Variants in ATP11A observed in about 807,000 individuals in gnomAD.
ATP11A encodes phospholipid-transporting ATPase IH.
Under a neutral mutation model 154.4 loss-of-function variants are expected in ATP11A, and 81 were observed. That is an observed-to-expected ratio of 0.52 (90% confidence interval 0.44 to 0.63). ATP11A has a LOEUF of 0.63. Ranked by LOEUF, ATP11A falls within the 30% of genes least tolerant of loss-of-function variation. ATP11A has a pLI of 0.00. For missense variants in ATP11A, 1,316 were observed against 1,474.3 expected (o/e 0.89, Z 1.76); for synonymous variants, 623 against 585.9 (o/e 1.06, Z -0.91).
rs540765028 is a variant in ATP11A, at chr13:112,753,182, G to A, written c.40-31953G>A. ...TGTACCTGCGTGTTATGTGGATGGC[G>A]TGCATGTGTCTGCACAGCTGCGTGA... On this transcript the variant is annotated intron_variant, in intron 1 of 29. Transcript: ENST00000375645. The surrounding 1 kb of genome is among the most constrained non-coding windows in gnomAD (Gnocchi z 4.1). 3.9e-5 allele frequency among the ~76,000 whole-genome samples: 6 copies of A among 152,226 alleles called. No homozygotes were observed. Among genetic ancestry groups the A allele is most frequent in the African/African-American group, 1.4e-4 (6 of 41,520 alleles).
Position 112,856,051 on chromosome 13 carries a change from T to TCTGCTGCCGCATGGCGCC in ATP11A, c.2387_2404dup (p.Cys796_Pro801dup). The TCTGCTGCCGCATGGCGCC allele has an allele frequency of 6.2e-7, 1 of 1,613,794 alleles. No individual in the cohort carries two copies. Among genetic ancestry groups the TCTGCTGCCGCATGGCGCC allele is most frequent in the Non-Finnish European group, 8.5e-7 (1 of 1,179,978 alleles). Reference sequence around the variant, plus strand: ...ATCTGCCGGAGCTGCAGCGCGGTGCTCTGCTGCCGCATGGCGCCCTTGCAG... The same window carrying TCTGCTGCCGCATGGCGCC: ...ATCTGCCGGAGCTGCAGCGCGGTGCTCTGCTGCCGCATGGCGCCCTGCTGCCGCATGGCGCCCTTGCAG... On this transcript the variant is annotated inframe_insertion, in exon 20 of 30. Coordinates refer to ENST00000375645, the MANE Select transcript of ATP11A (RefSeq NM_015205.3).
Position 112,802,791 on chromosome 13 carries a change from A to C in ATP11A, c.163-2166A>C, listed in dbSNP as rs144817582. Among the ~76,000 whole-genome samples the C allele has an allele frequency of 7.1e-3, 1,086 of 152,328 alleles. 19 individuals carry two copies. Among genetic ancestry groups the C allele is most frequent in the African/African-American group, 0.024 (1,010 of 41,566 alleles). On this transcript the variant is annotated intron_variant, in intron 2 of 29. Coordinates refer to ENST00000375645, the MANE Select transcript of ATP11A (RefSeq NM_015205.3). ...AAGTTGGACTTCGTGAAGATTAAAAACTTGAGCTTTGCAAAATACAGTTAA... is the reference window on the plus strand; with the variant it reads ...AAGTTGGACTTCGTGAAGATTAAAACCTTGAGCTTTGCAAAATACAGTTAA...
chr13:112,710,723 G>A (rs1887633272), intron 1 of ATP11A, among the ~76,000 whole-genome samples: 1 of 152,244 alleles, frequency 6.6e-6, no homozygotes, highest in Non-Finnish European at 1.5e-5. Flanking sequence ...TGTGGACAGT[G>A]AGGGGAAGAC....
chr13:112,838,960 G>A lies in ATP11A; in HGVS notation c.1705+2709G>A, dbSNP rs1680842830. 6.6e-6 allele frequency among the ~76,000 whole-genome samples: 1 copy of A among 152,214 alleles called. No homozygotes were observed. Among genetic ancestry groups the A allele is most frequent in the South Asian group, 2.1e-4 (1 of 4,838 alleles). On this transcript the variant is annotated intron_variant, in intron 16 of 29. Transcript: ENST00000375645. This position sits in a 1 kb window ranked among gnomAD's most constrained non-coding sequence, Gnocchi z 7.3. ...CAGCTCGTGTTTCCTCCTGGGCTCA[G>A]CCCTGTAGGGGGTTGCGGCTGTCAG...
chr13:112,803,680 CCTCCTTCCCCTCCCTCCCCTCCTTCT>C (rs2078198107), intron 2 of ATP11A, among the ~76,000 whole-genome samples: 1 of 151,420 alleles, frequency 6.6e-6, no homozygotes, highest in African/African-American at 2.4e-5. Flanking sequence ...GGGCATTCTC[CCTCCTTCCCCTCCCTCCCCTCCTTCT>C]CTCATTCCCC....
In ATP11A at chr13:112,740,290, C is replaced by T. The variant is rs545639039; in HGVS notation, c.40-44845C>T. On this transcript the variant is annotated intron_variant, in intron 1 of 29. Coordinates refer to ENST00000375645, the MANE Select transcript of ATP11A (RefSeq NM_015205.3). ...ATCCCAGGTTCAAGTGATTCTCCTG[C>T]CTCAGCCTCCTGAGTAGCTGGGATT... Among the ~76,000 whole-genome samples the T allele has an allele frequency of 1.4e-4, 22 of 152,164 alleles. No homozygotes were observed. The South Asian group carries it at 2.5e-3, about 17-fold the overall frequency.
At chr13:112,728,260 C>T (rs1317344938) in intron 1 of ATP11A, among the ~76,000 whole-genome samples, 1 of 152,182 alleles carries the variant, frequency 6.6e-6, no homozygotes, top group African/African-American at 2.4e-5. Context: ...TGCGGCCCAC[C>T]TCCCTGTGTT....
intron 1 of ATP11A, among the ~76,000 whole-genome samples, chr13:112,722,190 A>G (rs1889277565): frequency 6.6e-6 from 1 of 151,484 alleles, no homozygotes; most frequent in South Asian, 2.1e-4. Context: ...GCTTGGTTTT[A>G]TACATTTTAG....
chr13:112,714,462 C>T (rs937670855), intron 1 of ATP11A, among the ~76,000 whole-genome samples: 1 of 152,166 alleles, frequency 6.6e-6, no homozygotes. Context: ...CCTTCCCCTT[C>T]CCTTTCTCCC....
chr13:112,865,719 T>G (rs2140388231), intron 25 of ATP11A, among the ~76,000 whole-genome samples: 1 of 152,276 alleles, frequency 6.6e-6, no homozygotes, highest in Middle Eastern at 3.4e-3. Flanking sequence ...CTGGCTGACT[T>G]TTTGAATTTT....
Position 112,744,365 on chromosome 13 carries a change from C to T in ATP11A, c.40-40770C>T, listed in dbSNP as rs769606701. Among the ~76,000 whole-genome samples the T allele has an allele frequency of 3.0e-4, 43 of 142,624 alleles. 1 individual carries two copies. The highest frequency in any genetic ancestry group is 8.0e-5 in the African/African-American group (3 of 37,466). The allele number at this position is 142,624 out of a possible 152,430, so 93.6% of individuals were successfully genotyped here. ...TTTCTTTCCTCCCGGCACCCGGCTT[C>T]GGATGGTCTGGGAGGGTGTGATGGA... On this transcript the variant is annotated intron_variant, in intron 1 of 29. Coordinates refer to ENST00000375645, the MANE Select transcript of ATP11A (RefSeq NM_015205.3).
At chr13:112,692,637 C>T (rs181131341) in intron 1 of ATP11A, among the ~76,000 whole-genome samples, 19 of 152,266 alleles carry the variant, frequency 1.2e-4, no homozygotes, top group South Asian at 8.3e-4. Context: ...GATAACGTCT[C>T]GGGAATACGA....
At chr13:112,763,523 T>G (rs1312070714) in intron 1 of ATP11A, among the ~76,000 whole-genome samples, 2 of 152,190 alleles carry the variant, frequency 1.3e-5, no homozygotes, top group African/African-American at 4.8e-5. Flanking sequence ...CTGTCTCTTG[T>G]GGGGGAAATT....
intron 29 of ATP11A, among the ~76,000 whole-genome samples, chr13:112,878,950 A>G (rs564145364): frequency 2.6e-5 from 4 of 152,256 alleles, no homozygotes; most frequent in African/African-American, 4.8e-5. Flanking sequence ...TTGTTTTTCA[A>G]AAAAGCCTTC....
intron 5 of ATP11A, 83 bp downstream of exon 5, chr13:112,810,809 G>A (rs1594770632): frequency 1.2e-5 from 14 of 1,193,142 alleles, no homozygotes; most frequent in South Asian, 8.9e-5. Context: ...AGTGGCTCGC[G>A]CCTCCAGTCC....
intron 1 of ATP11A, among the ~76,000 whole-genome samples, chr13:112,725,446 G>T (rs1566387186): frequency 6.6e-6 from 1 of 152,208 alleles, no homozygotes; most frequent in Non-Finnish European, 1.5e-5. Context: ...TGCCACCTGG[G>T]TTTCTCAGCC....
In ATP11A at chr13:112,875,892, A is replaced by G. The variant is rs2140432880; in HGVS notation, c.3278A>G (p.Lys1093Arg). The change falls in exon 28 of 30, where the codon AAG becomes AGG. Residue 1093 changes from lysine (K) to arginine (R), a missense_variant. By Grantham distance (26) the Lys-to-Arg change is conservative. Around this residue, in one of 5 missense-constraint regions of ATP11A, gnomAD observed 294 missense variants for 290.2 expected, o/e 1.01. Coordinates refer to ENST00000375645, the MANE Select transcript of ATP11A (RefSeq NM_015205.3). This position sits in a 1 kb window ranked among gnomAD's most constrained non-coding sequence, Gnocchi z 4.1. ...ATCAGCCTCCTTCCCGACGTCCTCAAGAAAGTCCTGTGCCGGCAGCTGTGG... is the reference window on the plus strand; with the variant it reads ...ATCAGCCTCCTTCCCGACGTCCTCAGGAAAGTCCTGTGCCGGCAGCTGTGG... Reference protein sequence around the residue: ...VTISLLPDVLKKVLCRQLWPT... With the variant: ...VTISLLPDVLRKVLCRQLWPT... The G allele has an allele frequency of 6.2e-7, 1 of 1,613,608 alleles. No individual in the cohort carries two copies. The highest frequency in any genetic ancestry group is 8.5e-7 in the Non-Finnish European group (1 of 1,180,028).
At chr13:112,825,951 A>G (rs2078922672) in intron 11 of ATP11A, among the ~76,000 whole-genome samples, 1 of 152,122 alleles carries the variant, frequency 6.6e-6, no homozygotes, top group South Asian at 2.1e-4. Flanking sequence ...GAGCAGGGCC[A>G]TGTGCAAACC....
chr13:112,806,552 T>C (rs1041461987), intron 4 of ATP11A, among the ~76,000 whole-genome samples: 2 of 152,228 alleles, frequency 1.3e-5, no homozygotes, highest in South Asian at 2.1e-4. Flanking sequence ...CCAGAGATGA[T>C]CTGATCAGAT....
Sources: gnomAD v4.1 joint callset for allele counts (sites outside exome capture counted in the v4.1 genomes callset) on GRCh38, gnomAD v4.1.1 for gene constraint, gnomAD v4.1.1 regional missense constraint, Gnocchi (gnomAD v3.1) non-coding constraint, MANE v1.5 for transcripts, NCBI Gene and HGNC (gene_info 2026-07-23, HGNC 2026-07-21) for gene names.